Variants in PARP15 observed in about 807,000 individuals in gnomAD.
The protein encoded by PARP15 is protein mono-ADP-ribosyltransferase PARP15.
In PARP15, 50 loss-of-function variants were observed where a neutral mutation model predicts 62.1. That is an observed-to-expected ratio of 0.81 (90% confidence interval 0.64 to 1.02). The LOEUF (loss-of-function observed/expected upper bound fraction) is 1.02, where lower values mean the gene tolerates loss of function less well. Ranked by LOEUF, PARP15 falls within the 50% of genes least tolerant of loss-of-function variation. The pLI, the probability that PARP15 is intolerant of heterozygous loss-of-function variation, is 0.00. For missense variants in PARP15, 820 were observed against 826.5 expected, an observed-to-expected ratio of 0.99 and a Z score of 0.10; for synonymous variants, 309 against 293.1, an observed-to-expected ratio of 1.05 and a Z score of -0.55.
At chr3:122,578,694 T>C (rs1434029896) in intron 1 of PARP15, among the ~76,000 whole-genome samples, 1 of 152,176 alleles carries the variant, frequency 6.6e-6, no homozygotes, top group African/African-American at 2.4e-5. Flanking sequence ...ATTCTTGTTG[T>C]TTATTTTTCC....
At chr3:122,595,129 A>G (rs1027255290) in intron 1 of PARP15, among the ~76,000 whole-genome samples, 1 of 152,208 alleles carries the variant, frequency 6.6e-6, no homozygotes, top group Non-Finnish European at 1.5e-5. Flanking sequence ...AATTAACTCA[A>G]GCTTTGAACA....
chr3:122,584,759 G>A (rs1933280604), intron 1 of PARP15, among the ~76,000 whole-genome samples: 1 of 151,892 alleles, frequency 6.6e-6, no homozygotes, highest in Non-Finnish European at 1.5e-5. Flanking sequence ...TGCATTTTTA[G>A]TGGAGACGGC....
chr3:122,606,880 G>T (rs1935193624), intron 2 of PARP15, among the ~76,000 whole-genome samples: 1 of 152,190 alleles, frequency 6.6e-6, no homozygotes, highest in African/African-American at 2.4e-5. Flanking sequence ...AGGACTAACA[G>T]AAAGAGAACT....
rs1934857505 is a variant in PARP15, at chr3:122,602,268, C to T, written c.187-3668C>T. Among the ~76,000 whole-genome samples the T allele has an allele frequency of 2.0e-5, 3 of 152,094 alleles. No individual in the cohort carries two copies. The South Asian group carries it at 6.2e-4, about 32-fold the overall frequency. ...CTGAAGGGTGCCTCTCCCAGAGGTG[C>T]CTGGGAGTTGACATTCATCTCCTGA... On this transcript the variant is annotated intron_variant, in intron 1 of 11. Coordinates refer to ENST00000464300, the MANE Select transcript of PARP15 (RefSeq NM_001113523.3).
intron 1 of PARP15, among the ~76,000 whole-genome samples, chr3:122,585,663 A>C (rs1213408234): frequency 6.6e-6 from 1 of 152,172 alleles, no homozygotes; most frequent in African/African-American, 2.4e-5. Flanking sequence ...TGTTACATAA[A>C]AGCTGAACCA....
At chr3:122,633,527 T>C (rs1449396595) in intron 10 of PARP15, among the ~76,000 whole-genome samples, 1 of 152,302 alleles carries the variant, frequency 6.6e-6, no homozygotes, top group East Asian at 1.9e-4. Context: ...CCTTTTCTTT[T>C]TTTTTTTCAG....
At chr3:122,588,874 T>A (rs1576478832) in intron 1 of PARP15, among the ~76,000 whole-genome samples, 1 of 152,230 alleles carries the variant, frequency 6.6e-6, no homozygotes, top group African/African-American at 2.4e-5. Context: ...GCATGTTTTT[T>A]CCAGGTATGT....
In PARP15 at chr3:122,636,806, T is replaced by C. The variant is rs1937401799; in HGVS notation, c.*706T>C. On this transcript the variant is annotated 3_prime_UTR_variant, in exon 12 of 12. Coordinates refer to ENST00000464300, the MANE Select transcript of PARP15 (RefSeq NM_001113523.3). ...ACAAGATGTCAGGGGATGTGGTCGTTTGAAGGCTTGTCTGGGCTGGAGGTC... is the reference window on the plus strand; with the variant it reads ...ACAAGATGTCAGGGGATGTGGTCGTCTGAAGGCTTGTCTGGGCTGGAGGTC... The C allele has an allele frequency of 6.6e-6, 1 of 152,208 alleles. No individual in the cohort carries two copies. The highest frequency in any genetic ancestry group is 6.6e-5 in the Admixed American group (1 of 15,262). The allele number at this position is 152,208 out of a possible 1,614,324, so 9.4% of individuals were successfully genotyped here.
intron 11 of PARP15, 83 bp downstream of exon 11, chr3:122,635,277 G>T: frequency 4.7e-6 from 6 of 1,285,056 alleles, no homozygotes; most frequent in East Asian, 2.5e-5. Context: ...GTGGAACCAT[G>T]GTGGGCAGCT....
At chr3:122,627,352 C>T (rs1179009890) in intron 9 of PARP15, among the ~76,000 whole-genome samples, 7 of 152,124 alleles carry the variant, frequency 4.6e-5, no homozygotes, top group Non-Finnish European at 8.8e-5. Context: ...GGTATTGACC[C>T]TCATTTCCTC....
intron 1 of PARP15, among the ~76,000 whole-genome samples, chr3:122,604,321 T>C (rs114326482): frequency 0.016 from 2,410 of 152,312 alleles, 66 homozygotes; most frequent in African/African-American, 0.053. Context: ...TAGTCAAACT[T>C]CAAATGCATT....
At chr3:122,632,471 T>C (rs956953106) in intron 10 of PARP15, among the ~76,000 whole-genome samples, 1 of 152,210 alleles carries the variant, frequency 6.6e-6, no homozygotes, top group African/African-American at 2.4e-5. Flanking sequence ...TCAAACTGAT[T>C]AAACAAGGAG....
chr3:122,596,712 T>C (rs915580199), intron 1 of PARP15, among the ~76,000 whole-genome samples: 1 of 152,242 alleles, frequency 6.6e-6, no homozygotes, highest in East Asian at 1.9e-4. Flanking sequence ...TACTTATACT[T>C]TGGATAATAT....
At chr3:122,586,361 C>T (rs1031170431) in intron 1 of PARP15, among the ~76,000 whole-genome samples, 113 of 152,246 alleles carry the variant, frequency 7.4e-4, no homozygotes, top group African/African-American at 2.6e-3. Context: ...AACACACCAC[C>T]ATGCCCAGCT....
chr3:122,606,304 C>T (rs867936566), intron 2 of PARP15, among the ~76,000 whole-genome samples: 3 of 152,186 alleles, frequency 2.0e-5, no homozygotes, highest in African/African-American at 7.2e-5. Context: ...AAATCTATCT[C>T]TTTTATTTCT....
At chr3:122,600,523 A>G (rs1481038308) in intron 1 of PARP15, among the ~76,000 whole-genome samples, 2 of 151,768 alleles carry the variant, frequency 1.3e-5, no homozygotes, top group Admixed American at 1.3e-4. Flanking sequence ...ATTCCACCCC[A>G]CTCATTATCT....
chr3:122,619,661 TG>T, intron 6 of PARP15, 119 bp from the exon 7 acceptor site: 1 of 822,530 alleles, frequency 1.2e-6, no homozygotes, highest in Non-Finnish European at 2.1e-6. Flanking sequence ...TGGTCGGGCG[TG>T]GGGGTGGTCA....
Position 122,619,763 on chromosome 3 carries a change from T to A in PARP15, c.1001-18T>A. 6.3e-7 allele frequency: 1 copy of A among 1,596,876 alleles called. No homozygotes were observed. The highest frequency in any genetic ancestry group is 1.1e-5 in the South Asian group (1 of 90,754). On this transcript the variant is annotated intron_variant, in intron 6 of 11. Transcript: ENST00000464300. ...GAATTCTAACTGATGCCTTTTACCA[T>A]TAACATGTCTTATTTAGGTGTGTCA...
In PARP15 at chr3:122,611,125, C is replaced by T. The variant is rs763045255; in HGVS notation, c.543+395C>T. 9.3e-4 allele frequency among the ~76,000 whole-genome samples: 142 copies of T among 152,108 alleles called. 3 individuals are homozygous for T. Among genetic ancestry groups the T allele is most frequent in the Non-Finnish European group, 2.2e-4 (15 of 68,024 alleles). On this transcript the variant is annotated intron_variant, in intron 3 of 11. Coordinates refer to ENST00000464300, the MANE Select transcript of PARP15 (RefSeq NM_001113523.3). Reference sequence around the variant, plus strand: ...GTTGTAATGTAATAATCTTTCAGTACAGCAAAGAGGTGCGCCCAGCACTGT... The same window carrying T: ...GTTGTAATGTAATAATCTTTCAGTATAGCAAAGAGGTGCGCCCAGCACTGT...
Sources: allele counts gnomAD v4.1 joint callset (sites outside exome capture counted in the v4.1 genomes callset), GRCh38; gene constraint gnomAD v4.1.1; transcripts MANE v1.5; gene names NCBI Gene and HGNC (gene_info 2026-07-23, HGNC 2026-07-21).